Variants in LSAMP observed in about 807,000 individuals in gnomAD.
LSAMP encodes the protein limbic system associated membrane protein.
Under a neutral mutation model 38.6 loss-of-function variants are expected in LSAMP, and 7 were observed. The observed-to-expected ratio is 0.18, with a 90% confidence interval of 0.10 to 0.34. The LOEUF (loss-of-function observed/expected upper bound fraction) is 0.34, where lower values mean the gene tolerates loss of function less well. Among genes scored for constraint, LSAMP ranks in the 10% least tolerant of loss-of-function variants. LSAMP has a pLI of 1.00. For synonymous variants in LSAMP, 154 were observed against 166.8 expected, an observed-to-expected ratio of 0.92 and a Z score of 0.59; for missense variants, 313 against 420.0, an observed-to-expected ratio of 0.75 and a Z score of 2.23.
intron 3 of LSAMP, among the ~76,000 whole-genome samples, chr3:115,940,099 G>T (rs556795758): frequency 6.6e-6 from 1 of 152,060 alleles, no homozygotes; most frequent in South Asian, 2.1e-4. Context: ...TGTTCCTCCC[G>T]GTGGTTTCGT....
intron 3 of LSAMP, among the ~76,000 whole-genome samples, chr3:115,893,903 A>C (rs546809460): frequency 7.9e-4 from 120 of 152,036 alleles, no homozygotes; most frequent in Non-Finnish European, 1.5e-3. Context: ...ATCAACATGC[A>C]TACTCCGTAG....
intron 3 of LSAMP, among the ~76,000 whole-genome samples, chr3:115,960,512 CTAAG>C (rs1216514860): frequency 6.6e-6 from 1 of 152,138 alleles, no homozygotes; most frequent in Non-Finnish European, 1.5e-5. Context: ...TTCTTTTTTC[CTAAG>C]TAAAATTCTA....
intron 1 of LSAMP, among the ~76,000 whole-genome samples, chr3:116,348,817 A>C (rs771110700): frequency 6.6e-6 from 1 of 152,264 alleles, no homozygotes; most frequent in African/African-American, 2.4e-5. Flanking sequence ...AAATACTTTT[A>C]TTTATTATTG....
At chr3:115,928,698 T>C (rs1293643083) in intron 3 of LSAMP, among the ~76,000 whole-genome samples, 1 of 151,996 alleles carries the variant, frequency 6.6e-6, no homozygotes, top group Non-Finnish European at 1.5e-5. Flanking sequence ...GGAGGGGCTG[T>C]AAAGGAAAAG....
In LSAMP at chr3:115,810,400, T is replaced by C. The variant is rs1468597614; in HGVS notation, c.934A>G (p.Arg312Gly). Residue 312 changes from arginine to glycine, a missense_variant, in exon 7 of 7, where the codon AGA becomes GGA. Physicochemically the swap from Arg to Gly is moderately radical, Grantham distance 125 (BLOSUM62 -2). Coordinates refer to ENST00000490035, the MANE Select transcript of LSAMP (RefSeq NM_002338.5). ...AGACTGATGGATCCATTTATTCCTC[T>C]CACCGACCCAGGTCCTGCAGAGCAA... ...SLVLFRPGSV[R>G]GINGSISLAV... 2 of 1,613,096 alleles carry C rather than the reference T, an allele frequency of 1.2e-6. No individual in the cohort carries two copies. Among genetic ancestry groups the C allele is most frequent in the East Asian group, 4.5e-5 (2 of 44,878 alleles).
At chr3:116,107,639 T>A (rs13092607) in intron 1 of LSAMP, among the ~76,000 whole-genome samples, 1 of 152,144 alleles carries the variant, frequency 6.6e-6, no homozygotes, top group African/African-American at 2.4e-5. Flanking sequence ...CAGATGAGAA[T>A]GAAATTTGGG....
chr3:116,194,229 C>T (rs1427870293), intron 1 of LSAMP, among the ~76,000 whole-genome samples: 1 of 151,986 alleles, frequency 6.6e-6, no homozygotes, highest in African/African-American at 2.4e-5. Context: ...CTCATGGCTC[C>T]CATGGGAGAC....
rs970745138 is a variant in LSAMP, at chr3:116,076,049, A to G, written c.388+10275T>C. Among the ~76,000 whole-genome samples, 6 of 152,312 alleles carry G rather than the reference A, an allele frequency of 3.9e-5. 1 individual carries two copies. The highest frequency in any genetic ancestry group is 1.2e-4 in the African/African-American group (5 of 41,564). Reference sequence around the variant, plus strand: ...TCATACATGGCTGTTTAGTAAAAATACAATTTTTTAAAAAATTAATTCATT... The same window carrying G: ...TCATACATGGCTGTTTAGTAAAAATGCAATTTTTTAAAAAATTAATTCATT... On this transcript the variant is annotated intron_variant, in intron 2 of 6. Coordinates refer to ENST00000490035, the MANE Select transcript of LSAMP (RefSeq NM_002338.5).
At chr3:115,921,468 AT>A (rs2073936709) in intron 3 of LSAMP, among the ~76,000 whole-genome samples, 1 of 152,076 alleles carries the variant, frequency 6.6e-6, no homozygotes, top group Admixed American at 6.5e-5. Context: ...ACACATACGC[AT>A]GTTATTGATG....
At chr3:116,109,103 T>A (rs370347135) in intron 1 of LSAMP, among the ~76,000 whole-genome samples, 5 of 152,282 alleles carry the variant, frequency 3.3e-5, no homozygotes, top group Admixed American at 2.6e-4. Context: ...AAACGAGTCA[T>A]GAACTGGGCT....
At chr3:116,245,654 G>GA (rs2046595891) in intron 1 of LSAMP, among the ~76,000 whole-genome samples, 1 of 151,976 alleles carries the variant, frequency 6.6e-6, no homozygotes, top group African/African-American at 2.4e-5. Flanking sequence ...CTTCTTTGGA[G>GA]AAATTATAAA....
At chr3:115,897,475 A>G (rs978743246) in intron 3 of LSAMP, among the ~76,000 whole-genome samples, 3 of 152,122 alleles carry the variant, frequency 2.0e-5, no homozygotes, top group African/African-American at 7.2e-5. Flanking sequence ...ATGAAATGGG[A>G]AAAGTGGTAA....
intron 2 of LSAMP, among the ~76,000 whole-genome samples, chr3:116,034,324 A>G (rs1940998231): frequency 6.6e-6 from 1 of 152,020 alleles, no homozygotes; most frequent in Non-Finnish European, 1.5e-5. Flanking sequence ...GGCCACCAGG[A>G]ATATTCTTGA....
At chr3:116,003,509 T>A (rs1347475611) in intron 3 of LSAMP, among the ~76,000 whole-genome samples, 1 of 152,172 alleles carries the variant, frequency 6.6e-6, no homozygotes, top group Non-Finnish European at 1.5e-5. Context: ...AAGCAGATTG[T>A]AGTAGGTTGA....
chr3:115,938,913 C>T (rs534917823), intron 3 of LSAMP, among the ~76,000 whole-genome samples: 1 of 152,018 alleles, frequency 6.6e-6, no homozygotes, highest in African/African-American at 2.4e-5. Context: ...TTGTTGAATC[C>T]CTAGCACCAG....
At chr3:116,048,393 T>A (rs1559721907) in intron 2 of LSAMP, among the ~76,000 whole-genome samples, 1 of 152,214 alleles carries the variant, frequency 6.6e-6, no homozygotes, top group Non-Finnish European at 1.5e-5. Flanking sequence ...AAGTAATGAT[T>A]AGTTATATCT....
At chr3:115,945,104 G>A (rs895127581) in intron 3 of LSAMP, among the ~76,000 whole-genome samples, 3 of 151,864 alleles carry the variant, frequency 2.0e-5, no homozygotes, top group African/African-American at 7.3e-5. Flanking sequence ...AACTCATAGG[G>A]TTCTTATCTT....
At chr3:116,039,083 G>A (rs1941110218) in intron 2 of LSAMP, among the ~76,000 whole-genome samples, 1 of 152,160 alleles carries the variant, frequency 6.6e-6, no homozygotes, top group Non-Finnish European at 1.5e-5. Flanking sequence ...GAGAACCACA[G>A]GCATAGAGAA....
chr3:116,139,473 A>G (rs1709324640), intron 1 of LSAMP, among the ~76,000 whole-genome samples: 1 of 152,000 alleles, frequency 6.6e-6, no homozygotes, highest in Non-Finnish European at 1.5e-5. Context: ...AGCAGAAGGT[A>G]AAGACTAAAT....
Sources: gnomAD v4.1 joint callset for allele counts (sites outside exome capture counted in the v4.1 genomes callset) on GRCh38, gnomAD v4.1.1 for gene constraint, MANE v1.5 for transcripts, NCBI Gene and HGNC (gene_info 2026-07-23, HGNC 2026-07-21) for gene names.